Variants in ZNF385D observed in about 807,000 individuals in gnomAD.
ZNF385D encodes zinc finger protein 659.
ZNF385D carries 15 observed loss-of-function variants against 35.8 expected under a neutral mutation model. The observed-to-expected ratio is 0.42, with a 90% CI of 0.28 to 0.64. The LOEUF (loss-of-function observed/expected upper bound fraction) is 0.64, where lower values mean the gene tolerates loss of function less well. ZNF385D is among the 30% of genes least tolerant of loss of function. ZNF385D has a pLI of 0.23. For missense variants in ZNF385D, 474 were observed against 494.6 expected (o/e 0.96, Z 0.39); for synonymous variants, 212 against 186.8 (o/e 1.13, Z -1.10).
At chr3:21,618,985 G>A (rs951818900) in intron 2 of ZNF385D, among the ~76,000 whole-genome samples, 4 of 152,144 alleles carry the variant, frequency 2.6e-5, no homozygotes, top group African/African-American at 9.7e-5. Flanking sequence ...TTCTTCAACT[G>A]GGCCTGCACA....
At chr3:22,048,290 G>C (rs966996668) in intron 3 of ZNF385D, among the ~76,000 whole-genome samples, 1 of 151,212 alleles carries the variant, frequency 6.6e-6, no homozygotes, top group Non-Finnish European at 1.5e-5. Context: ...TTTTCCTTTT[G>C]TTCCCTGTGC....
chr3:22,135,427 G>C (rs1704046196), intron 3 of ZNF385D, among the ~76,000 whole-genome samples: 1 of 152,066 alleles, frequency 6.6e-6, no homozygotes, highest in Admixed American at 6.6e-5. Context: ...TTCAAACACT[G>C]TAACACCTCA....
rs1698192000 is a variant in ZNF385D at position 22,220,566 on chromosome 3, C to A, written c.107-51531G>T. Reference sequence around the variant, plus strand: ...TTCTAGATTCTGTTATTGTCATTGTCTTTAGTACAAACACTATTCACAAGT... The same window carrying A: ...TTCTAGATTCTGTTATTGTCATTGTATTTAGTACAAACACTATTCACAAGT... On this transcript the variant is annotated intron_variant, in intron 2 of 5. Coordinates refer to the ZNF385D transcript ENST00000494108. Among the ~76,000 whole-genome samples the A allele has an allele frequency of 2.6e-5, 4 of 152,140 alleles. No individual in the cohort carries two copies. The South Asian group carries it at 8.3e-4, about 31-fold the overall frequency.
chr3:21,965,981 A>G (rs1451173977), intron 3 of ZNF385D, among the ~76,000 whole-genome samples: 3 of 152,206 alleles, frequency 2.0e-5, no homozygotes, highest in Admixed American at 2.0e-4. Flanking sequence ...TAAGTTTGAA[A>G]TTATAGAAAA....
At chr3:22,202,183 T>C (rs115899232) in intron 2 of ZNF385D, among the ~76,000 whole-genome samples, 2,076 of 152,212 alleles carry the variant, frequency 0.014, 30 homozygotes, top group African/African-American at 0.039. Flanking sequence ...TGCAGTGATA[T>C]AAAAACTAAC....
In ZNF385D at chr3:21,792,895, C is replaced by A. The variant is rs540695491; in HGVS notation, c.326-127867G>T. ...TTTGTGCATTTTTATTAATCTCTGA[C>A]CAGTATTCAAAATTTTGGGTTGGTC... On this transcript the variant is annotated intron_variant, in intron 3 of 5. Transcript: ENST00000494108. Among the ~76,000 whole-genome samples the A allele has an allele frequency of 2.5e-4, 38 of 152,234 alleles. 1 individual carries two copies. The highest frequency in any genetic ancestry group is 3.4e-3 in the Middle Eastern group (1 of 294).
rs1553635046 is a variant in ZNF385D, at chr3:22,240,201, A to AAAGAG, written c.107-71167_107-71166insCTCTT. Among the ~76,000 whole-genome samples the AAAGAG allele has an allele frequency of 3.6e-4, 44 of 121,042 alleles. 2 individuals carry two copies. Among genetic ancestry groups the AAAGAG allele is most frequent in the Non-Finnish European group, 6.1e-4 (37 of 60,998 alleles). 79.4% of individuals were successfully genotyped at this position (121,042 alleles called of 152,430 possible). A position where few individuals can be genotyped will look rare whatever the true frequency, so the allele number is the denominator to read the frequency against. ...CTGTCTCCAAAAAAAAAAAAAAAAAAAAGATTTCAGACACCTGGCTCCACC... is the reference window on the plus strand; with the variant it reads ...CTGTCTCCAAAAAAAAAAAAAAAAAAAAGAGAAGATTTCAGACACCTGGCTCCACC... On this transcript the variant is annotated intron_variant, in intron 2 of 5. Transcript: ENST00000494108.
At position 21,809,659 on chromosome 3, in the gene ZNF385D, TATATACACATATATAC is replaced by T. The variant is rs1259599864; in HGVS notation, c.326-144647_326-144632del. Among the ~76,000 whole-genome samples, 686 of 106,752 alleles carry T rather than the reference TATATACACATATATAC, an allele frequency of 6.4e-3. 5 individuals carry two copies. The highest frequency in any genetic ancestry group is 0.021 in the African/African-American group (663 of 31,462). 70.0% of individuals were successfully genotyped at this position (106,752 alleles called of 152,430 possible). ...ATACACATATACATATACATATACA[TATATACACATATATAC>T]ACACATATATACCTATATACATATA... On this transcript the variant is annotated intron_variant, in intron 3 of 5. Coordinates refer to the ZNF385D transcript ENST00000494108.
In ZNF385D at chr3:22,168,898, G is replaced by A; in HGVS notation, c.244C>T (p.Gln82Ter). 1.0e-6 allele frequency: 1 copy of A among 985,810 alleles called. No homozygotes were observed. Among genetic ancestry groups the A allele is most frequent in the African/African-American group, 1.7e-5 (1 of 57,360 alleles). The allele number at this position is 985,810 out of a possible 1,614,324, so 61.1% of individuals were successfully genotyped here. The change falls in exon 3 of 6, where the codon CAA becomes TAA. Residue 82 changes from glutamine (Q) to a stop codon, truncating the protein, a stop_gained. Transcript: ENST00000494108. LOFTEE classifies it high-confidence loss of function. ...TTGCCATTGTAGTGGATTTGTGCTT[G>A]AGCGGCTGAATTCAGCTGAATGTTA...
At chr3:21,857,409 T>C (rs1696784931) in intron 3 of ZNF385D, among the ~76,000 whole-genome samples, 1 of 152,012 alleles carries the variant, frequency 6.6e-6, no homozygotes, top group South Asian at 2.1e-4. Flanking sequence ...GAAACATAAC[T>C]CTATTTAAGT....
chr3:22,072,843 G>A (rs1480773103), intron 3 of ZNF385D, among the ~76,000 whole-genome samples: 2 of 152,050 alleles, frequency 1.3e-5, no homozygotes, highest in African/African-American at 4.8e-5. Flanking sequence ...GATTCTTAGT[G>A]TCCTAGAATA....
chr3:21,442,699 T>C (rs1328728714), intron 4 of ZNF385D, among the ~76,000 whole-genome samples: 3 of 151,770 alleles, frequency 2.0e-5, no homozygotes, highest in African/African-American at 7.3e-5. Context: ...TAAAAAAAGT[T>C]CCTACAGGGT....
chr3:22,342,324 G>T (rs1350618419), intron 2 of ZNF385D, among the ~76,000 whole-genome samples: 2 of 142,434 alleles, frequency 1.4e-5, no homozygotes, highest in Non-Finnish European at 3.1e-5. Context: ...TACTATCAAT[G>T]ATAATTTCAT....
chr3:21,799,423 C>A (rs1376135703), intron 3 of ZNF385D, among the ~76,000 whole-genome samples: 1 of 152,158 alleles, frequency 6.6e-6, no homozygotes, highest in Non-Finnish European at 1.5e-5. Flanking sequence ...TCCTCATTAA[C>A]ACTTGTTTTG....
At chr3:22,001,799 G>T (rs773383242) in intron 3 of ZNF385D, among the ~76,000 whole-genome samples, 1 of 150,950 alleles carries the variant, frequency 6.6e-6, no homozygotes, top group South Asian at 2.1e-4. Context: ...GAAAACAAAG[G>T]CCACCTGAAA....
intron 2 of ZNF385D, among the ~76,000 whole-genome samples, chr3:21,603,380 T>A (rs559259747): frequency 2.0e-5 from 2 of 101,846 alleles, no homozygotes; most frequent in East Asian, 5.9e-4. Context: ...ACCCAGCAAT[T>A]CTGCTTCTGG....
chr3:21,832,093 G>A (rs557867894), intron 3 of ZNF385D, among the ~76,000 whole-genome samples: 6 of 131,926 alleles, frequency 4.5e-5, no homozygotes, highest in Non-Finnish European at 8.3e-5. Flanking sequence ...ATTTGTTCAC[G>A]TATTTCTCTC....
At chr3:22,344,543 C>G (rs893782164) in intron 2 of ZNF385D, among the ~76,000 whole-genome samples, 1 of 151,910 alleles carries the variant, frequency 6.6e-6, no homozygotes, top group Non-Finnish European at 1.5e-5. Flanking sequence ...TTGCATACCA[C>G]CATGCCTGCC....
At chr3:21,858,156 T>G in intron 3 of ZNF385D, among the ~76,000 whole-genome samples, 1 of 53,918 alleles carries the variant, frequency 1.9e-5, no homozygotes. Context: ...CAAGAGTCTA[T>G]CAAAAAAAAA....
Sources: gnomAD v4.1 joint callset for allele counts (sites outside exome capture counted in the v4.1 genomes callset) on GRCh38, gnomAD v4.1.1 for gene constraint, MANE v1.5 for transcripts, NCBI Gene and HGNC (gene_info 2026-07-23, HGNC 2026-07-21) for gene names.